TOX: variants seen among roughly 807,000 people sequenced by gnomAD.
TOX encodes the protein thymocyte selection associated high mobility group box.
A neutral mutation model predicts 53.7 loss-of-function variants in TOX; 11 were observed. The observed-to-expected ratio is 0.20, with a 90% confidence interval of 0.13 to 0.34. The LOEUF is 0.34. TOX is among the 10% of genes least tolerant of loss of function. The pLI is 1.00. For synonymous variants in TOX, 225 were observed against 245.3 expected (o/e 0.92, Z 0.77); for missense variants, 570 against 664.6 (o/e 0.86, Z 1.56).
intron 8 of TOX, 131 bp from the exon 9 acceptor site, chr8:58,807,914 C>A: frequency 7.6e-7 from 1 of 1,323,038 alleles, no homozygotes; most frequent in Non-Finnish European, 1.1e-6. Flanking sequence ...AATTAGTTAA[C>A]CTACATCTGA....
chr8:58,969,632 C>A (rs1364688727), intron 1 of TOX, among the ~76,000 whole-genome samples: 7 of 152,182 alleles, frequency 4.6e-5, no homozygotes, highest in Non-Finnish European at 1.0e-4. Context: ...CTTCACAAGG[C>A]ATATGCATTC....
intron 1 of TOX, among the ~76,000 whole-genome samples, chr8:59,070,382 C>T (rs1334344260): frequency 1.3e-5 from 2 of 152,102 alleles, no homozygotes; most frequent in African/African-American, 4.8e-5. Context: ...ACATGCAAAC[C>T]TCTATCTATG....
intron 3 of TOX, among the ~76,000 whole-genome samples, chr8:58,875,685 G>A (rs929048857): frequency 1.3e-5 from 2 of 152,176 alleles, no homozygotes; most frequent in African/African-American, 2.4e-5. Flanking sequence ...GGTTTTATAC[G>A]TAGTGGAAGA....
chr8:58,814,880 T>A (rs1311513062), intron 7 of TOX, among the ~76,000 whole-genome samples: 1 of 152,184 alleles, frequency 6.6e-6, no homozygotes, highest in Non-Finnish European at 1.5e-5. Flanking sequence ...TGGACCTGAT[T>A]TCATTTTTCA....
At chr8:58,984,317 A>T (rs879644837) in intron 1 of TOX, among the ~76,000 whole-genome samples, 3 of 152,224 alleles carry the variant, frequency 2.0e-5, no homozygotes, top group Non-Finnish European at 2.9e-5. Flanking sequence ...CAAATCAACA[A>T]CAAAAACAAA....
intron 1 of TOX, among the ~76,000 whole-genome samples, chr8:58,983,449 C>T (rs979397082): frequency 6.6e-6 from 1 of 152,188 alleles, no homozygotes; most frequent in African/African-American, 2.4e-5. Flanking sequence ...AATCCATGTT[C>T]TACCTCTTAA....
At chr8:58,914,448 A>G (rs904976275) in intron 3 of TOX, among the ~76,000 whole-genome samples, 1 of 152,098 alleles carries the variant, frequency 6.6e-6, no homozygotes, top group East Asian at 1.9e-4. Flanking sequence ...ACATTGACCA[A>G]AATTGTCTGT....
intron 1 of TOX, among the ~76,000 whole-genome samples, chr8:58,998,532 T>TA (rs1469383407): frequency 1.2e-3 from 13 of 10,930 alleles, no homozygotes; most frequent in African/African-American, 2.5e-3. Context: ...TATATATATA[T>TA]ATATATAAAT....
intron 3 of TOX, among the ~76,000 whole-genome samples, chr8:58,889,313 G>A (rs1220440644): frequency 2.0e-5 from 3 of 151,226 alleles, no homozygotes; most frequent in African/African-American, 7.3e-5. Context: ...TGGAACACTA[G>A]GCAATGATTA....
intron 1 of TOX, among the ~76,000 whole-genome samples, chr8:58,989,216 T>A (rs986451100): frequency 2.6e-5 from 4 of 151,860 alleles, no homozygotes; most frequent in African/African-American, 9.7e-5. Flanking sequence ...CTTGGGAGGC[T>A]GAGGCAGGAG....
At chr8:58,950,986 G>A (rs1400774220) in intron 2 of TOX, among the ~76,000 whole-genome samples, 1 of 152,166 alleles carries the variant, frequency 6.6e-6, no homozygotes, top group Non-Finnish European at 1.5e-5. Context: ...CTAAGAAATG[G>A]TAAAATAGCC....
intron 1 of TOX, among the ~76,000 whole-genome samples, chr8:59,012,227 G>A (rs1052094011): frequency 3.3e-5 from 5 of 152,080 alleles, no homozygotes; most frequent in Admixed American, 1.3e-4. Flanking sequence ...TGGAGATAAG[G>A]CAATTGGAGG....
chr8:58,890,773 C>A (rs1053389475), intron 3 of TOX, among the ~76,000 whole-genome samples: 5 of 152,042 alleles, frequency 3.3e-5, no homozygotes, highest in Admixed American at 3.3e-4. Flanking sequence ...AGTCATGGAA[C>A]TTGAGGTTGA....
At chr8:59,077,684 C>T (rs187167637) in intron 1 of TOX, among the ~76,000 whole-genome samples, 16 of 152,222 alleles carry the variant, frequency 1.1e-4, no homozygotes, top group South Asian at 2.1e-4. Context: ...CTTTTCCAGA[C>T]GAAGAGCCTG....
At chr8:59,009,217 T>C (rs1057720) in intron 1 of TOX, among the ~76,000 whole-genome samples, 4 of 151,616 alleles carry the variant, frequency 2.6e-5, no homozygotes, top group Non-Finnish European at 5.9e-5. Flanking sequence ...TCCCCCTCTT[T>C]CTCCTTTCTT....
At chr8:59,063,067 AT>A (rs958431833) in intron 1 of TOX, among the ~76,000 whole-genome samples, 1 of 152,056 alleles carries the variant, frequency 6.6e-6, no homozygotes, top group Non-Finnish European at 1.5e-5. Context: ...CAGAAAAGGC[AT>A]TTTTTTGGCC....
chr8:58,927,884 T>C (rs1812191809), intron 3 of TOX, among the ~76,000 whole-genome samples: 1 of 152,038 alleles, frequency 6.6e-6, no homozygotes, highest in South Asian at 2.1e-4. Context: ...CACATGTGGA[T>C]AGTGAAGGGC....
intron 1 of TOX, 90 bp from the exon 2 acceptor site, chr8:58,960,098 A>G (rs915895859): frequency 8.6e-6 from 12 of 1,397,390 alleles, no homozygotes; most frequent in Non-Finnish European, 1.2e-5. Flanking sequence ...TAACCATCAA[A>G]CTGGAAAACA....
At chr8:59,073,088 T>C (rs1157052899) in intron 1 of TOX, among the ~76,000 whole-genome samples, 2 of 152,094 alleles carry the variant, frequency 1.3e-5, no homozygotes, top group Non-Finnish European at 2.9e-5. Context: ...TAAAGCCCAA[T>C]CTCCACCCCC....
Sources: gnomAD v4.1 joint callset for allele counts (sites outside exome capture counted in the v4.1 genomes callset) on GRCh38, gnomAD v4.1.1 for gene constraint, MANE v1.5 for transcripts, NCBI Gene and HGNC (gene_info 2026-07-23, HGNC 2026-07-21) for gene names.